The following APCDD1L variants were observed in gnomAD, a reference collection of about 807,000 sequenced individuals.
APCDD1L encodes the protein APC down-regulated 1 like, also known as protein APCDD1-like.
Under a neutral mutation model 24.2 loss-of-function variants are expected in APCDD1L, and 21 were observed. The ratio of observed to expected loss-of-function variants is 0.87; its 90% CI spans 0.61 to 1.25. The LOEUF is 1.25. Among genes scored for constraint, APCDD1L ranks in the 50% most tolerant of loss-of-function variants. The pLI, the probability that APCDD1L is intolerant of heterozygous loss-of-function variation, is 0.00. For synonymous variants in APCDD1L, 321 were observed against 323.6 expected (o/e 0.99, Z 0.09); for missense variants, 704 against 711.7 (o/e 0.99, Z 0.12).
rs1321571475 is a variant in APCDD1L at position 58,459,108 on chromosome 20, G to C, written c.*1682C>G. On this transcript the variant is annotated 3_prime_UTR_variant, in exon 4 of 4. Transcript: ENST00000371149. ...TAATAACCAGCAAGAACATTTTTCA[G>C]GCTGTTTAATTTTATTAAAAGGTTC... 1 of 152,202 alleles carries C rather than the reference G, an allele frequency of 6.6e-6. No homozygotes were observed. The highest frequency in any genetic ancestry group is 1.5e-5 in the Non-Finnish European group (1 of 68,030). 9.4% of individuals were successfully genotyped at this position (152,202 alleles called of 1,614,324 possible).
chr20:58,493,901 C>A (rs888119357), intron 1 of APCDD1L, among the ~76,000 whole-genome samples: 1 of 152,182 alleles, frequency 6.6e-6, no homozygotes, highest in Non-Finnish European at 1.5e-5. Context: ...ACTTTCAACT[C>A]CCCCAAAACC....
At chr20:58,514,618 G>A in intron 1 of APCDD1L, 41 bp downstream of exon 1, 1 of 1,306,406 alleles carries the variant, frequency 7.7e-7, no homozygotes, top group Non-Finnish European at 9.8e-7. Flanking sequence ...CCTCCCTTCC[G>A]AGCTCAGCCA....
chr20:58,466,422 G>A (rs1989705616), intron 3 of APCDD1L, among the ~76,000 whole-genome samples: 1 of 152,232 alleles, frequency 6.6e-6, no homozygotes, highest in East Asian at 1.9e-4. Context: ...TTTGGGAGTG[G>A]GCGAGGGTGG....
At chr20:58,500,177 G>T (rs192837034) in intron 1 of APCDD1L, among the ~76,000 whole-genome samples, 34 of 152,212 alleles carry the variant, frequency 2.2e-4, no homozygotes, top group African/African-American at 7.0e-4. Context: ...TTTTCTGGGG[G>T]AAAATGCATA....
rs1190091236 is a variant in APCDD1L at position 58,461,668 on chromosome 20, GTCCC to G, written c.742-118_742-115del. ...GTCAAGGCAGGGTGAGGTGCGGCCT[GTCCC>G]TCCCTCCTCTCTCTCCTCACTCCCT... On this transcript the variant is annotated intron_variant, in intron 3 of 3. Coordinates refer to ENST00000371149, the MANE Select transcript of APCDD1L (RefSeq NM_153360.3). The surrounding 1 kb of genome is among the most constrained non-coding windows in gnomAD (Gnocchi z 6.0). 7 of 1,095,016 alleles carry G rather than the reference GTCCC, an allele frequency of 6.4e-6. No homozygotes were observed. Among genetic ancestry groups the G allele is most frequent in the Non-Finnish European group, 8.3e-6 (7 of 841,904 alleles). The allele number at this position is 1,095,016 out of a possible 1,614,324, so 67.8% of individuals were successfully genotyped here.
chr20:58,474,329 C>T (rs1989868282), intron 1 of APCDD1L, among the ~76,000 whole-genome samples: 1 of 152,246 alleles, frequency 6.6e-6, no homozygotes, highest in Admixed American at 6.5e-5. Flanking sequence ...GGGACTTGGC[C>T]ATTGCCACTC....
In APCDD1L at chr20:58,460,743, G is replaced by T; in HGVS notation, c.*47C>A. Reference sequence around the variant, plus strand: ...TACAGCTGCCAGGAGGGAGTCTGAAGGGTTGAATGGGTGTCCAGAGCCGCC... The same window carrying T: ...TACAGCTGCCAGGAGGGAGTCTGAATGGTTGAATGGGTGTCCAGAGCCGCC... On this transcript the variant is annotated 3_prime_UTR_variant, in exon 4 of 4. Transcript: ENST00000371149. This position sits in a 1 kb window ranked among gnomAD's most constrained non-coding sequence, Gnocchi z 4.2. 6.7e-7 allele frequency: 1 copy of T among 1,502,804 alleles called. No individual in the cohort carries two copies. The highest frequency in any genetic ancestry group is 1.4e-5 in the South Asian group (1 of 72,222). 93.1% of individuals were successfully genotyped at this position (1,502,804 alleles called of 1,614,324 possible).
At chr20:58,499,998 TA>T (rs1264971576) in intron 1 of APCDD1L, among the ~76,000 whole-genome samples, 1 of 152,128 alleles carries the variant, frequency 6.6e-6, no homozygotes, top group Non-Finnish European at 1.5e-5. Context: ...ATTGTTTTTT[TA>T]AAAAAACACA....
chr20:58,514,818 T>G lies in APCDD1L; in HGVS notation c.-111A>C, dbSNP rs544889249. On this transcript the variant is annotated 5_prime_UTR_variant, in exon 1 of 4. Transcript: ENST00000371149. ...GGCGCCGGCGGCCAGGCTGGAGTCC[T>G]GCGAAGAAGTTGCGAGGGTCCTGCG... 2.3e-6 allele frequency: 2 copies of G among 858,208 alleles called. No individual in the cohort carries two copies. The highest frequency in any genetic ancestry group is 1.2e-4 in the South Asian group (2 of 16,728). 53.2% of individuals were successfully genotyped at this position (858,208 alleles called of 1,614,324 possible). A position where few individuals can be genotyped will look rare whatever the true frequency, so the allele number is the denominator to read the frequency against.
chr20:58,503,092 T>A (rs1990472278), intron 1 of APCDD1L, among the ~76,000 whole-genome samples: 1 of 152,186 alleles, frequency 6.6e-6, no homozygotes, highest in Non-Finnish European at 1.5e-5. Flanking sequence ...AGGCAGCATT[T>A]ACAGTCCCTG....
intron 1 of APCDD1L, among the ~76,000 whole-genome samples, chr20:58,499,651 A>C (rs1990394003): frequency 6.6e-6 from 1 of 152,122 alleles, no homozygotes; most frequent in Non-Finnish European, 1.5e-5. Context: ...CGTTCATAGG[A>C]AGGGGCTCCT....
chr20:58,463,804 C>T (rs574579495), intron 3 of APCDD1L, among the ~76,000 whole-genome samples: 1 of 146,662 alleles, frequency 6.8e-6, no homozygotes, highest in East Asian at 2.0e-4. Flanking sequence ...TTCCACACAG[C>T]ACTGCTGAGT....
Position 58,472,416 on chromosome 20 carries a change from A to G in APCDD1L, c.50-1669T>C, listed in dbSNP as rs142286242. 2.6e-5 allele frequency among the ~76,000 whole-genome samples: 4 copies of G among 152,350 alleles called. No homozygotes were observed. In the East Asian group the frequency reaches 7.7e-4, roughly 29 times the overall value. On this transcript the variant is annotated intron_variant, in intron 1 of 3. Coordinates refer to ENST00000371149, the MANE Select transcript of APCDD1L (RefSeq NM_153360.3). Reference sequence around the variant, plus strand: ...GGGGCACATGCCACCCGGATGTGGCAAAGCCAGGATGTGAGCCCAGGTTGT... The same window carrying G: ...GGGGCACATGCCACCCGGATGTGGCGAAGCCAGGATGTGAGCCCAGGTTGT...
At chr20:58,514,555 G>T in intron 1 of APCDD1L, 104 bp downstream of exon 1, 1 of 1,144,866 alleles carries the variant, frequency 8.7e-7, no homozygotes, top group South Asian at 4.4e-5. Flanking sequence ...CGCGTGGGCC[G>T]ACCCAGGGCC....
At chr20:58,496,576 C>T (rs775121747) in intron 1 of APCDD1L, among the ~76,000 whole-genome samples, 35 of 152,312 alleles carry the variant, frequency 2.3e-4, no homozygotes, top group Middle Eastern at 3.4e-3. Flanking sequence ...GCCTGAGCAA[C>T]GGCAGGTGCA....
chr20:58,492,853 TGCAC>T (rs1990245895), intron 1 of APCDD1L, among the ~76,000 whole-genome samples: 1 of 128,622 alleles, frequency 7.8e-6, no homozygotes, highest in Non-Finnish European at 1.6e-5. Context: ...CACGCATACA[TGCAC>T]ACACATGCAC....
At chr20:58,509,723 T>G (rs898570818) in intron 1 of APCDD1L, among the ~76,000 whole-genome samples, 3 of 152,196 alleles carry the variant, frequency 2.0e-5, no homozygotes, top group Non-Finnish European at 4.4e-5. Flanking sequence ...TTAGAGACTT[T>G]CAGGGCTGGA....
In APCDD1L at chr20:58,467,034, C is replaced by T; in HGVS notation, c.741+72G>A. 4 of 1,505,678 alleles carry T rather than the reference C, an allele frequency of 2.7e-6. No individual in the cohort carries two copies. The South Asian group carries it at 3.9e-5, about 15-fold the overall frequency. 93.3% of individuals were successfully genotyped at this position (1,505,678 alleles called of 1,614,324 possible). On this transcript the variant is annotated intron_variant, in intron 3 of 3. Coordinates refer to ENST00000371149, the MANE Select transcript of APCDD1L (RefSeq NM_153360.3). The surrounding 1 kb of genome is among the most constrained non-coding windows in gnomAD (Gnocchi z 5.9). Reference sequence around the variant, plus strand: ...GGCAGGCCCAGGTCTTGCAAAGCTGCGGGGCTGGGTTCCGAGCTCGCCTCC... The same window carrying T: ...GGCAGGCCCAGGTCTTGCAAAGCTGTGGGGCTGGGTTCCGAGCTCGCCTCC...
intron 1 of APCDD1L, among the ~76,000 whole-genome samples, chr20:58,471,159 T>TCTGGA (rs1432044614): frequency 6.6e-6 from 1 of 152,164 alleles, no homozygotes; most frequent in East Asian, 1.9e-4. Context: ...CAAAGGGCAC[T>TCTGGA]CTGGACTCAG....
Sources: allele counts gnomAD v4.1 joint callset (sites outside exome capture counted in the v4.1 genomes callset), GRCh38; gene constraint gnomAD v4.1.1; non-coding constraint Gnocchi (gnomAD v3.1); transcripts MANE v1.5; gene names NCBI Gene and HGNC (gene_info 2026-07-23, HGNC 2026-07-21).